MDGA2: variants seen among roughly 807,000 people sequenced by gnomAD.
The protein encoded by MDGA2 is MAM domain containing glycosylphosphatidylinositol anchor 2.
A neutral mutation model predicts 117.8 loss-of-function variants in MDGA2; 40 were observed. The observed-to-expected ratio is 0.34, with a 90% CI of 0.26 to 0.44. The LOEUF is 0.44. Ranked by LOEUF, MDGA2 falls within the 20% of genes least tolerant of loss-of-function variation. The pLI is 1.00. For missense variants in MDGA2, 1,123 were observed against 1,250.6 expected, an observed-to-expected ratio of 0.90 and a Z score of 1.54; for synonymous variants, 452 against 439.0, an observed-to-expected ratio of 1.03 and a Z score of -0.37.
At chr14:47,370,353 T>C (rs1351818199) in intron 1 of MDGA2, among the ~76,000 whole-genome samples, 1 of 151,258 alleles carries the variant, frequency 6.6e-6, no homozygotes, top group Non-Finnish European at 1.5e-5. Context: ...GACTAAATGT[T>C]TGTGAATGGA....
chr14:47,300,259 A>G (rs372555030), intron 2 of MDGA2, among the ~76,000 whole-genome samples: 9 of 152,140 alleles, frequency 5.9e-5, no homozygotes, highest in East Asian at 3.9e-4. Flanking sequence ...TAAAATATGT[A>G]ATTTTGTCTA....
chr14:47,100,627 T>C (rs948586023), intron 5 of MDGA2, among the ~76,000 whole-genome samples: 7 of 151,924 alleles, frequency 4.6e-5, no homozygotes, highest in Non-Finnish European at 8.8e-5. Flanking sequence ...AAATCAAACA[T>C]GAAAACTGAA....
At chr14:46,860,113 C>A (rs559574209) in intron 14 of MDGA2, among the ~76,000 whole-genome samples, 1 of 152,080 alleles carries the variant, frequency 6.6e-6, no homozygotes, top group Admixed American at 6.6e-5. Context: ...ATATGGGTAT[C>A]CACTTTTTAA....
At chr14:47,282,395 C>T (rs1888522065) in intron 2 of MDGA2, among the ~76,000 whole-genome samples, 1 of 151,986 alleles carries the variant, frequency 6.6e-6, no homozygotes, top group Admixed American at 6.6e-5. Flanking sequence ...AAAATTCAAA[C>T]AGGGTAGGGT....
chr14:46,963,463 T>C (rs1885891235), intron 8 of MDGA2, among the ~76,000 whole-genome samples: 1 of 152,268 alleles, frequency 6.6e-6, no homozygotes, highest in Non-Finnish European at 1.5e-5. Flanking sequence ...CTGCAAGTTC[T>C]GGCTCTGGCC....
At chr14:47,260,976 T>C (rs1411384888) in intron 2 of MDGA2, among the ~76,000 whole-genome samples, 1 of 152,090 alleles carries the variant, frequency 6.6e-6, no homozygotes, top group Non-Finnish European at 1.5e-5. Context: ...TTTAAAGTGG[T>C]TAGCATTCTA....
At chr14:47,633,974 G>A (rs1897281252) in intron 1 of MDGA2, among the ~76,000 whole-genome samples, 1 of 152,132 alleles carries the variant, frequency 6.6e-6, no homozygotes, top group African/African-American at 2.4e-5. Context: ...AAAATAGACT[G>A]TCCTTTCCTA....
intron 1 of MDGA2, among the ~76,000 whole-genome samples, chr14:47,331,147 G>A (rs914274414): frequency 6.7e-6 from 1 of 149,240 alleles, no homozygotes; most frequent in African/African-American, 2.5e-5. Flanking sequence ...GAAAAGTTAA[G>A]TTTAAAGATA....
At chr14:47,067,399 G>C (rs17563766) in intron 6 of MDGA2, among the ~76,000 whole-genome samples, 8,218 of 152,162 alleles carry the variant, frequency 0.054, 301 homozygotes, top group Middle Eastern at 0.085. Flanking sequence ...TAATATTGTA[G>C]GCATTTCCCT....
intron 1 of MDGA2, among the ~76,000 whole-genome samples, chr14:47,474,918 G>A (rs576630906): frequency 3.7e-4 from 56 of 152,178 alleles, no homozygotes; most frequent in African/African-American, 1.2e-3. Context: ...GTACTTAGGC[G>A]TGGGTGAAGA....
chr14:47,381,779 A>C (rs1891634246), intron 1 of MDGA2, among the ~76,000 whole-genome samples: 1 of 152,216 alleles, frequency 6.6e-6, no homozygotes, highest in East Asian at 1.9e-4. Flanking sequence ...GAAAATGGCC[A>C]TACTGCCCAA....
intron 3 of MDGA2, among the ~76,000 whole-genome samples, chr14:47,181,967 CTATA>C (rs1398710307): frequency 2.6e-5 from 4 of 151,954 alleles, no homozygotes; most frequent in Admixed American, 6.6e-5. Context: ...TTCTTTGTTC[CTATA>C]TATAAACTTC....
chr14:47,620,598 T>C (rs1207949547), intron 1 of MDGA2, among the ~76,000 whole-genome samples: 1 of 152,200 alleles, frequency 6.6e-6, no homozygotes, highest in Non-Finnish European at 1.5e-5. Flanking sequence ...TGCCCCCAAA[T>C]TTTGTCTATT....
intron 1 of MDGA2, among the ~76,000 whole-genome samples, chr14:47,396,058 T>C (rs1003056237): frequency 6.6e-6 from 1 of 152,194 alleles, no homozygotes; most frequent in African/African-American, 2.4e-5. Context: ...GGAGAAATAG[T>C]AGACTGTGCA....
chr14:47,343,269 C>T (rs1213014610), intron 1 of MDGA2: 11 of 1,137,056 alleles, frequency 9.7e-6, no homozygotes, highest in Non-Finnish European at 1.2e-5. Context: ...CATTGTATTA[C>T]ATCAGGAAGG....
At chr14:47,633,784 C>T (rs1399527322) in intron 1 of MDGA2, among the ~76,000 whole-genome samples, 2 of 152,108 alleles carry the variant, frequency 1.3e-5, no homozygotes, top group African/African-American at 4.8e-5. Context: ...TATGATAGAC[C>T]ATTTACCCTG....
intron 2 of MDGA2, among the ~76,000 whole-genome samples, chr14:47,218,854 T>C (rs1452604247): frequency 6.6e-6 from 1 of 152,122 alleles, no homozygotes; most frequent in Non-Finnish European, 1.5e-5. Flanking sequence ...ACATTTCTAC[T>C]AAACTGCCAA....
chr14:47,010,357 A>AC, intron 8 of MDGA2, among the ~76,000 whole-genome samples: 1 of 150,712 alleles, frequency 6.6e-6, no homozygotes, highest in South Asian at 2.1e-4. Flanking sequence ...AAAAATAGAT[A>AC]TAAAAAAATA....
chr14:47,658,680 T>C (rs1418950904), intron 1 of MDGA2, among the ~76,000 whole-genome samples: 2 of 152,118 alleles, frequency 1.3e-5, no homozygotes, highest in Non-Finnish European at 2.9e-5. Context: ...ACATCCACTC[T>C]CCCAACTTCC....
Sources: allele counts gnomAD v4.1 joint callset (sites outside exome capture counted in the v4.1 genomes callset), GRCh38; gene constraint gnomAD v4.1.1; transcripts MANE v1.5; gene names NCBI Gene and HGNC (gene_info 2026-07-23, HGNC 2026-07-21).